RGS6: variants seen among roughly 807,000 people sequenced by gnomAD.
RGS6 encodes the protein regulator of G-protein signaling 6.
In RGS6, 30 loss-of-function variants were observed where a neutral mutation model predicts 78.5. The ratio of observed to expected loss-of-function variants is 0.38; its 90% CI spans 0.29 to 0.52. The LOEUF (loss-of-function observed/expected upper bound fraction) is 0.52. Among genes scored for constraint, RGS6 ranks in the 20% least tolerant of loss-of-function variants. RGS6 has a pLI of 0.85. For missense variants in RGS6, 495 were observed against 609.7 expected (o/e 0.81, Z 1.98); for synonymous variants, 206 against 206.0 (o/e 1.00, Z 0.00).
chr14:72,438,808 C>A (rs1275287620), intron 3 of RGS6, among the ~76,000 whole-genome samples: 1 of 152,212 alleles, frequency 6.6e-6, no homozygotes, highest in African/African-American at 2.4e-5. Flanking sequence ...TAAACTGGAC[C>A]CCTTACCACT....
At chr14:72,139,201 C>T (rs2096497764) in intron 2 of RGS6, among the ~76,000 whole-genome samples, 1 of 152,210 alleles carries the variant, frequency 6.6e-6, no homozygotes, top group Admixed American at 6.5e-5. Flanking sequence ...TGTGCTGGTC[C>T]TGGCTGCCAT....
At chr14:72,627,876 C>T in the RGS6 span, among the ~76,000 whole-genome samples, 1 of 151,796 alleles carries the variant, frequency 6.6e-6, no homozygotes. Flanking sequence ...TAAATATATC[C>T]CTAAGTATTT....
At position 71,992,042 on chromosome 14, in the gene RGS6, A is replaced by T. The variant is rs564974066; in HGVS notation, c.84+27167A>T. 7.0e-4 allele frequency among the ~76,000 whole-genome samples: 95 copies of T among 136,564 alleles called. 1 individual carries two copies. Among genetic ancestry groups the T allele is most frequent in the African/African-American group, 2.5e-3 (90 of 36,264 alleles). The allele number at this position is 136,564 out of a possible 152,430, so 89.6% of individuals were successfully genotyped here. A position where few individuals can be genotyped will look rare whatever the true frequency, so the allele number is the denominator to read the frequency against. On this transcript the variant is annotated intron_variant, in intron 2 of 17. Coordinates refer to ENST00000553525, the MANE Select transcript of RGS6 (RefSeq NM_001204424.2). The stretch of plus-strand genomic sequence containing the variant: ...AATATCTTTTTTTTTTTTTTTTGAG[A>T]CAGAGTGAGACAGAGTCTTACTCTG...
chr14:71,893,950 G>C, the RGS6 span, among the ~76,000 whole-genome samples: 3 of 151,976 alleles, frequency 2.0e-5, no homozygotes, highest in African/African-American at 7.3e-5. Flanking sequence ...ACTTAGGAGG[G>C]GTCTGAAAGC....
intron 2 of RGS6, among the ~76,000 whole-genome samples, chr14:72,202,783 A>G (rs938792119): frequency 2.0e-5 from 3 of 151,832 alleles, no homozygotes; most frequent in African/African-American, 4.8e-5. Context: ...ATGAAAGCAA[A>G]TGTGGCTGCA....
At chr14:72,138,425 C>T (rs1431188401) in intron 2 of RGS6, among the ~76,000 whole-genome samples, 2 of 141,876 alleles carry the variant, frequency 1.4e-5, no homozygotes, top group African/African-American at 5.2e-5. Flanking sequence ...AAACTTGATA[C>T]TTCACTGTAG....
At chr14:72,541,360 A>T in intron 17 of RGS6, 1 of 1,369,112 alleles carries the variant, frequency 7.3e-7, no homozygotes, top group Non-Finnish European at 9.8e-7. Context: ...TGAATTTGCT[A>T]CATGTAAACC....
intron 3 of RGS6, among the ~76,000 whole-genome samples, chr14:72,417,594 C>T (rs141737089): frequency 6.6e-6 from 1 of 152,310 alleles, no homozygotes; most frequent in East Asian, 1.9e-4. Context: ...ACTCGGAGAA[C>T]CGCATGGGCT....
chr14:72,431,439 G>A (rs529402912), intron 3 of RGS6, among the ~76,000 whole-genome samples: 2 of 152,270 alleles, frequency 1.3e-5, no homozygotes, highest in African/African-American at 4.8e-5. Context: ...TGCAACCTCT[G>A]CCTCCTATAT....
At chr14:72,621,444 C>T in the RGS6 span, among the ~76,000 whole-genome samples, 2 of 152,132 alleles carry the variant, frequency 1.3e-5, no homozygotes, top group Non-Finnish European at 2.9e-5. Context: ...TCACCTTGGC[C>T]CCCACCAGTG....
chr14:72,481,559 A>G (rs998623489), intron 12 of RGS6, among the ~76,000 whole-genome samples: 5 of 152,128 alleles, frequency 3.3e-5, no homozygotes, highest in African/African-American at 1.2e-4. Flanking sequence ...TTCTGCACAG[A>G]ATTTCTCAGA....
chr14:72,423,857 T>G lies in RGS6; in HGVS notation c.185-30671T>G, dbSNP rs569951337. 3.3e-5 allele frequency among the ~76,000 whole-genome samples: 5 copies of G among 152,218 alleles called. 1 individual carries two copies. The South Asian group carries it at 1.0e-3, about 32-fold the overall frequency. The stretch of plus-strand genomic sequence containing the variant: ...AACAAAATATTCATTCCCAAATCAT[T>G]TACTACATACAAATCGTTAAGTCAG... On this transcript the variant is annotated intron_variant, in intron 3 of 17. Transcript: ENST00000553525.
intron 2 of RGS6, among the ~76,000 whole-genome samples, chr14:72,294,963 A>G (rs2064425699): frequency 6.6e-6 from 1 of 152,156 alleles, no homozygotes; most frequent in African/African-American, 2.4e-5. Context: ...TTAGGAGGAA[A>G]CTTGGTATGC....
At chr14:72,540,247 G>T in intron 17 of RGS6, 153 bp downstream of exon 17, 2 of 1,541,866 alleles carry the variant, frequency 1.3e-6, no homozygotes, top group Non-Finnish European at 1.7e-6. Context: ...TTTCTTTTGC[G>T]AGTGTCTGCA....
At chr14:72,540,225 C>A in intron 17 of RGS6, 131 bp downstream of exon 17, 1 of 1,523,234 alleles carries the variant, frequency 6.6e-7, no homozygotes, top group Non-Finnish European at 8.8e-7. Context: ...CTTTCTCCCT[C>A]GACTCAGCCC....
intron 2 of RGS6, among the ~76,000 whole-genome samples, chr14:72,322,357 T>C (rs980517626): frequency 2.0e-5 from 3 of 151,822 alleles, no homozygotes; most frequent in African/African-American, 7.2e-5. Flanking sequence ...TGACCCCAGA[T>C]GGAGAGAAAA....
At chr14:72,291,652 T>C (rs1014394271) in intron 2 of RGS6, among the ~76,000 whole-genome samples, 2 of 152,158 alleles carry the variant, frequency 1.3e-5, no homozygotes, top group African/African-American at 2.4e-5. Context: ...TAGAAAGATA[T>C]ACCTAGAAAG....
chr14:72,034,685 T>C lies in RGS6; in HGVS notation c.84+69810T>C, dbSNP rs1351827139. ...TAATGCTGGCCTCAAAAAAATGAGT[T>C]TGAAAATTTTCCATCTTTTTCAATT... On this transcript the variant is annotated intron_variant, in intron 2 of 17. Coordinates refer to ENST00000553525, the MANE Select transcript of RGS6 (RefSeq NM_001204424.2). Among the ~76,000 whole-genome samples the C allele has an allele frequency of 6.6e-5, 10 of 152,312 alleles. No individual in the cohort carries two copies. The East Asian group carries it at 1.7e-3, about 26-fold the overall frequency.
intron 2 of RGS6, among the ~76,000 whole-genome samples, chr14:72,341,541 G>T (rs1388914485): frequency 6.6e-6 from 1 of 152,198 alleles, no homozygotes. Flanking sequence ...GGATTTGGAT[G>T]TGTTTGTTGT....
Sources: allele counts gnomAD v4.1 joint callset (sites outside exome capture counted in the v4.1 genomes callset), GRCh38; gene constraint gnomAD v4.1.1; transcripts MANE v1.5; gene names NCBI Gene and HGNC (gene_info 2026-07-23, HGNC 2026-07-21).